PTPRD: variants seen among roughly 807,000 people sequenced by gnomAD.
The protein encoded by PTPRD is protein tyrosine phosphatase receptor type D.
PTPRD carries 34 observed loss-of-function variants against 214.5 expected under a neutral mutation model. That is an observed-to-expected ratio of 0.16 (90% confidence interval 0.12 to 0.21). The LOEUF is 0.21. Among genes scored for constraint, PTPRD ranks in the 10% least tolerant of loss-of-function variants. The probability of loss-of-function intolerance (pLI) is 1.00; values close to 1 mark genes in which losing one functional copy is unlikely to be tolerated. For synonymous variants in PTPRD, 1,128 were observed against 845.7 expected (o/e 1.33, Z -5.79); for missense variants, 2,545 against 2,398.7 (o/e 1.06, Z -1.27).
intron 10 of PTPRD, among the ~76,000 whole-genome samples, chr9:9,049,357 A>G (rs987482628): frequency 2.0e-5 from 3 of 152,166 alleles, no homozygotes; most frequent in Non-Finnish European, 4.4e-5. Context: ...CTGAATTGCA[A>G]AAAGTGCAGT....
chr9:9,407,400 T>A (rs1040825870), intron 8 of PTPRD, among the ~76,000 whole-genome samples: 3 of 151,776 alleles, frequency 2.0e-5, no homozygotes, highest in African/African-American at 7.2e-5. Flanking sequence ...TAAACATATT[T>A]GTACGTGTTT....
chr9:9,808,557 T>C (rs1218575486), intron 5 of PTPRD, among the ~76,000 whole-genome samples: 4 of 152,282 alleles, frequency 2.6e-5, no homozygotes, highest in Non-Finnish European at 1.5e-5. Context: ...GGAGACTTTA[T>C]CTATATAATA....
chr9:8,714,831 C>A (rs777499378), intron 12 of PTPRD, among the ~76,000 whole-genome samples: 2 of 152,070 alleles, frequency 1.3e-5, no homozygotes, highest in African/African-American at 4.8e-5. Flanking sequence ...ACTTAGGTCA[C>A]CTTTGAACAC....
intron 5 of PTPRD, among the ~76,000 whole-genome samples, chr9:9,905,082 G>A (rs2077234852): frequency 6.6e-6 from 1 of 151,904 alleles, no homozygotes; most frequent in Admixed American, 6.6e-5. Context: ...CCTTTCTAAT[G>A]AGAGCATACC....
chr9:9,752,672 T>C (rs983595306), intron 6 of PTPRD, among the ~76,000 whole-genome samples: 20 of 151,894 alleles, frequency 1.3e-4, no homozygotes, highest in Admixed American at 5.3e-4. Context: ...ACCTCAAAAG[T>C]TTCATTTGGG....
chr9:8,527,045 A>G (rs2074348284), intron 16 of PTPRD, among the ~76,000 whole-genome samples: 1 of 151,974 alleles, frequency 6.6e-6, no homozygotes, highest in Non-Finnish European at 1.5e-5. Flanking sequence ...ATATGCATAT[A>G]TATATATACT....
At chr9:8,840,931 C>T (rs2097545796) in intron 11 of PTPRD, among the ~76,000 whole-genome samples, 1 of 152,164 alleles carries the variant, frequency 6.6e-6, no homozygotes, top group Admixed American at 6.5e-5. Context: ...CAACAAAGGT[C>T]AGTGTCATGT....
At chr9:9,559,068 G>C (rs914716352) in intron 8 of PTPRD, among the ~76,000 whole-genome samples, 1 of 152,170 alleles carries the variant, frequency 6.6e-6, no homozygotes, top group Non-Finnish European at 1.5e-5. Context: ...CACCCATCCC[G>C]TTATTGGGTA....
intron 3 of PTPRD, among the ~76,000 whole-genome samples, chr9:10,125,693 AG>A (rs1268324130): frequency 6.6e-6 from 1 of 150,902 alleles, no homozygotes; most frequent in Non-Finnish European, 1.5e-5. Flanking sequence ...CATGTTGGTC[AG>A]GCTGGTCTCG....
chr9:9,591,599 A>T (rs572558493), intron 7 of PTPRD, among the ~76,000 whole-genome samples: 1 of 152,174 alleles, frequency 6.6e-6, no homozygotes, highest in South Asian at 2.1e-4. Flanking sequence ...ACTTAAGAAA[A>T]CACAAATAAG....
intron 11 of PTPRD, among the ~76,000 whole-genome samples, chr9:8,869,098 G>A (rs1288610226): frequency 6.6e-6 from 1 of 152,126 alleles, no homozygotes; most frequent in Non-Finnish European, 1.5e-5. Context: ...GAATTGGAAA[G>A]ATTAAAACTC....
At chr9:10,110,932 T>G (rs2098686118) in intron 3 of PTPRD, among the ~76,000 whole-genome samples, 1 of 152,232 alleles carries the variant, frequency 6.6e-6, no homozygotes. Flanking sequence ...CCTCATGATC[T>G]GGACTGCTAT....
At chr9:9,220,698 C>T (rs1460677765) in intron 9 of PTPRD, among the ~76,000 whole-genome samples, 1 of 152,058 alleles carries the variant, frequency 6.6e-6, no homozygotes, top group East Asian at 1.9e-4. Flanking sequence ...CAGTCAACTA[C>T]ATTTGACATA....
intron 8 of PTPRD, among the ~76,000 whole-genome samples, chr9:9,566,838 G>C (rs549769516): frequency 6.6e-6 from 1 of 152,070 alleles, no homozygotes; most frequent in South Asian, 2.1e-4. Context: ...AAAAATGAAA[G>C]AAATGCTCCG....
At chr9:9,425,430 C>T (rs964047690) in intron 8 of PTPRD, among the ~76,000 whole-genome samples, 3 of 146,342 alleles carry the variant, frequency 2.0e-5, no homozygotes, top group Non-Finnish European at 4.5e-5. Flanking sequence ...ATTATAATAT[C>T]TTATACATTA....
intron 9 of PTPRD, among the ~76,000 whole-genome samples, chr9:9,312,184 A>G (rs1959187033): frequency 6.6e-6 from 1 of 152,204 alleles, no homozygotes; most frequent in Admixed American, 6.5e-5. Context: ...TGAGATGTGA[A>G]GTATCAGCTT....
At chr9:8,693,446 A>G (rs1199749449) in intron 12 of PTPRD, among the ~76,000 whole-genome samples, 1 of 152,206 alleles carries the variant, frequency 6.6e-6, no homozygotes, top group Non-Finnish European at 1.5e-5. Context: ...TCATGGCCAA[A>G]TATAGGCATT....
intron 7 of PTPRD, among the ~76,000 whole-genome samples, chr9:9,637,730 C>T (rs1175525142): frequency 6.6e-6 from 1 of 152,138 alleles, no homozygotes; most frequent in African/African-American, 2.4e-5. Flanking sequence ...TCCCATGGCT[C>T]CTTAGGCATT....
chr9:10,459,511 C>T (rs528664498), intron 2 of PTPRD, among the ~76,000 whole-genome samples: 1 of 152,260 alleles, frequency 6.6e-6, no homozygotes, highest in East Asian at 1.9e-4. Flanking sequence ...ATTTACACTC[C>T]CACCAACAGT....
Sources: gnomAD v4.1 joint callset for allele counts (sites outside exome capture counted in the v4.1 genomes callset) on GRCh38, gnomAD v4.1.1 for gene constraint, MANE v1.5 for transcripts, NCBI Gene and HGNC (gene_info 2026-07-23, HGNC 2026-07-21) for gene names.